Variants in ZNF678 observed in about 807,000 individuals in gnomAD.
ZNF678 encodes the protein hypothetical protein MGC42493.
Under a neutral mutation model 3.0 loss-of-function variants are expected in ZNF678, and 5 were observed. The ratio of observed to expected loss-of-function variants is 1.69; its 90% CI spans 0.88 to 3.56. The LOEUF (loss-of-function observed/expected upper bound fraction) is 3.56. Ranked by LOEUF, ZNF678 falls within the 30% of genes most tolerant of loss-of-function variation. The pLI is 0.00. For missense variants in ZNF678, 593 were observed against 605.0 expected (o/e 0.98, Z 0.21); for synonymous variants, 218 against 199.6 (o/e 1.09, Z -0.78).
At chr1:227,568,873 C>T (rs185042327) in intron 1 of ZNF678, among the ~76,000 whole-genome samples, 20 of 152,276 alleles carry the variant, frequency 1.3e-4, no homozygotes, top group African/African-American at 4.6e-4. Context: ...TCAGGAAACT[C>T]CACACATCTG....
At chr1:227,631,001 C>T (rs1443219721) in intron 1 of ZNF678, among the ~76,000 whole-genome samples, 1 of 75,242 alleles carries the variant, frequency 1.3e-5, no homozygotes, top group Non-Finnish European at 2.3e-5. Context: ...GGCCAGGTTT[C>T]TCCCCTTGAA....
In ZNF678 at chr1:227,661,482, T is replaced by C. The variant is rs1376876373; in HGVS notation, c.*5654T>C. The C allele has an allele frequency of 1.3e-5, 2 of 152,056 alleles. No homozygotes were observed. The highest frequency in any genetic ancestry group is 4.8e-5 in the African/African-American group (2 of 41,394). The allele number at this position is 152,056 out of a possible 1,614,324, so 9.4% of individuals were successfully genotyped here. The stretch of plus-strand genomic sequence containing the variant: ...TGGGGCATGTTACAGAGAGTTTCAG[T>C]AAAATTCAGAAAAAAATAATAAATA... On this transcript the variant is annotated 3_prime_UTR_variant, in exon 4 of 4. Coordinates refer to ENST00000343776, the MANE Select transcript of ZNF678 (RefSeq NM_001367909.1).
chr1:227,626,356 G>A (rs960083851), intron 1 of ZNF678, among the ~76,000 whole-genome samples: 11 of 152,076 alleles, frequency 7.2e-5, no homozygotes, highest in African/African-American at 2.2e-4. Flanking sequence ...CATTTTAACC[G>A]CGGTTGGGAT....
At chr1:227,669,500 T>G (rs1368905946) in intron 5 of ZNF678, among the ~76,000 whole-genome samples, 2 of 151,644 alleles carry the variant, frequency 1.3e-5, no homozygotes, top group Non-Finnish European at 1.5e-5. Flanking sequence ...TAAAAAAAAA[T>G]TAGCCAGGTG....
intron 1 of ZNF678, among the ~76,000 whole-genome samples, chr1:227,599,873 G>A (rs770529149): frequency 4.6e-5 from 7 of 152,008 alleles, no homozygotes; most frequent in South Asian, 2.1e-4. Flanking sequence ...AGGTAAACTC[G>A]TGTAATGGGG....
At chr1:227,584,513 T>C (rs930516345) in intron 1 of ZNF678, among the ~76,000 whole-genome samples, 2 of 152,254 alleles carry the variant, frequency 1.3e-5, no homozygotes, top group Admixed American at 6.5e-5. Context: ...TGGCTGTCCA[T>C]GTGTGAGGAA....
At chr1:227,627,752 C>T (rs1019834228) in intron 1 of ZNF678, among the ~76,000 whole-genome samples, 1 of 152,174 alleles carries the variant, frequency 6.6e-6, no homozygotes, top group Admixed American at 6.5e-5. Flanking sequence ...GTGCTAGTTT[C>T]TGGAGTGAGG....
At position 227,660,554 on chromosome 1, in the gene ZNF678, C is replaced by G. The variant is rs1440016601; in HGVS notation, c.*4726C>G. ...AGTTTGTTGTTAGTGTATAGAAATG[C>G]TACTGACCCTTATATCTTGATTTTG... On this transcript the variant is annotated 3_prime_UTR_variant, in exon 4 of 4. Coordinates refer to ENST00000343776, the MANE Select transcript of ZNF678 (RefSeq NM_001367909.1). The G allele has an allele frequency of 6.6e-6, 1 of 152,032 alleles. No homozygotes were observed. The highest frequency in any genetic ancestry group is 1.5e-5 in the Non-Finnish European group (1 of 67,988). The allele number at this position is 152,032 out of a possible 1,614,324, so 9.4% of individuals were successfully genotyped here. A position where few individuals can be genotyped will look rare whatever the true frequency, so the allele number is the denominator to read the frequency against.
At chr1:227,613,497 C>T (rs986438745) in intron 1 of ZNF678, among the ~76,000 whole-genome samples, 1 of 152,286 alleles carries the variant, frequency 6.6e-6, no homozygotes. Flanking sequence ...GATTTCACCT[C>T]GAGATGTGGC....
chr1:227,652,025 A>T (rs1013471245), intron 3 of ZNF678, among the ~76,000 whole-genome samples: 1 of 152,088 alleles, frequency 6.6e-6, no homozygotes, highest in Non-Finnish European at 1.5e-5. Flanking sequence ...TTGCATTTCA[A>T]ATTTGTGTGG....
chr1:227,586,215 A>C (rs539969666), intron 1 of ZNF678, among the ~76,000 whole-genome samples: 19 of 143,792 alleles, frequency 1.3e-4, no homozygotes, highest in Admixed American at 1.0e-3. Context: ...TAAATAAGCA[A>C]ATAAAAAAAT....
chr1:227,593,884 T>A (rs1405288304), intron 1 of ZNF678, among the ~76,000 whole-genome samples: 1 of 132,330 alleles, frequency 7.6e-6, no homozygotes, highest in Non-Finnish European at 1.6e-5. Flanking sequence ...TTTTTTTTGA[T>A]GTACGAACAG....
chr1:227,597,687 CAT>C (rs1657629456), intron 1 of ZNF678, among the ~76,000 whole-genome samples: 1 of 152,078 alleles, frequency 6.6e-6, no homozygotes, highest in South Asian at 2.1e-4. Context: ...CTCAAAGCAG[CAT>C]ATGACAGAAC....
At chr1:227,607,509 A>C (rs1334057340) in intron 1 of ZNF678, among the ~76,000 whole-genome samples, 1 of 152,096 alleles carries the variant, frequency 6.6e-6, no homozygotes, top group African/African-American at 2.4e-5. Context: ...AACACAGGAA[A>C]TGTAACTTGT....
Position 227,655,946 on chromosome 1 carries a change from T to C in ZNF678, c.*118T>C. ...AGCTTCAGAGTGCACAACACTATAC[T>C]GAATGAAATTTATAAATATAAAAGA... On this transcript the variant is annotated 3_prime_UTR_variant, in exon 4 of 4. Coordinates refer to ENST00000343776, the MANE Select transcript of ZNF678 (RefSeq NM_001367909.1). 2 of 693,374 alleles carry C rather than the reference T, an allele frequency of 2.9e-6. No individual in the cohort carries two copies. Among genetic ancestry groups the C allele is most frequent in the Non-Finnish European group, 2.2e-6 (1 of 455,734 alleles). 43.0% of individuals were successfully genotyped at this position (693,374 alleles called of 1,614,324 possible). A position where few individuals can be genotyped will look rare whatever the true frequency, so the allele number is the denominator to read the frequency against.
intron 1 of ZNF678, among the ~76,000 whole-genome samples, chr1:227,616,000 C>T (rs2935152): frequency 5.9e-5 from 9 of 151,896 alleles, no homozygotes. Flanking sequence ...CCCCACCAGA[C>T]TGTTCTGAGG....
downstream of ZNF678, among the ~76,000 whole-genome samples, chr1:227,666,986 T>C (rs550648605): frequency 5.3e-5 from 8 of 151,818 alleles, no homozygotes; most frequent in East Asian, 1.6e-3. Context: ...CTCAGATGAT[T>C]CACCCACCTC....
intron 1 of ZNF678, among the ~76,000 whole-genome samples, chr1:227,592,927 G>A (rs1657454420): frequency 6.6e-6 from 1 of 152,228 alleles, no homozygotes; most frequent in Non-Finnish European, 1.5e-5. Flanking sequence ...AACAAGGGCT[G>A]ACTGATTCAT....
At chr1:227,594,371 A>T (rs1657506665) in intron 1 of ZNF678, among the ~76,000 whole-genome samples, 1 of 152,138 alleles carries the variant, frequency 6.6e-6, no homozygotes, top group South Asian at 2.1e-4. Flanking sequence ...ATAAGGTAAG[A>T]TTTTATGGAC....
Sources: allele counts gnomAD v4.1 joint callset (sites outside exome capture counted in the v4.1 genomes callset), GRCh38; gene constraint gnomAD v4.1.1; transcripts MANE v1.5; gene names NCBI Gene and HGNC (gene_info 2026-07-23, HGNC 2026-07-21).